Variants in RBM45 observed in about 807,000 individuals in gnomAD.
RBM45 encodes RNA binding motif protein 45.
A neutral mutation model predicts 58.5 loss-of-function variants in RBM45; 39 were observed. The ratio of observed to expected loss-of-function variants is 0.67; its 90% CI spans 0.52 to 0.87. The LOEUF (loss-of-function observed/expected upper bound fraction) is 0.87. Among genes scored for constraint, RBM45 ranks in the 40% least tolerant of loss-of-function variants. The probability of loss-of-function intolerance (pLI) is 0.00; values close to 1 mark genes in which losing one functional copy is unlikely to be tolerated. For synonymous variants in RBM45, 193 were observed against 203.0 expected, an observed-to-expected ratio of 0.95 and a Z score of 0.42; for missense variants, 481 against 581.6, an observed-to-expected ratio of 0.83 and a Z score of 1.78.
At chr2:178,115,057 G>A (rs2087754244) in intron 1 of RBM45, among the ~76,000 whole-genome samples, 1 of 152,166 alleles carries the variant, frequency 6.6e-6, no homozygotes, top group South Asian at 2.1e-4. Context: ...CCAGCCCTCA[G>A]CCAGAAAAGA....
chr2:178,112,678 C>G lies in RBM45; in HGVS notation c.132C>G (p.Arg44=), dbSNP rs1384392131. Residue 44 remains arginine (R), a synonymous_variant, in exon 1 of 10, where the codon CGC becomes CGG. Transcript: ENST00000286070. ...CACCTGAGTCGGTGCTGAGGGAGCG[C>G]TTCTCGCCTTTTGGCGACATCCAGG... ...KYTPESVLRE[R]FSPFGDIQDI... 1 of 1,614,124 alleles carries G rather than the reference C, an allele frequency of 6.2e-7. No homozygotes were observed. The highest frequency in any genetic ancestry group is 1.3e-5 in the African/African-American group (1 of 74,954).
At chr2:178,137,155 C>T (rs1212954945) in exon 4 of RBM45, 1 of 151,942 alleles carries the variant, frequency 6.6e-6, no homozygotes, top group Non-Finnish European at 1.5e-5. Flanking sequence ...AATGTTCAGC[C>T]GTATTAGTCA....
At chr2:178,136,470 G>A (rs896520818) in exon 4 of RBM45, 2 of 152,218 alleles carry the variant, frequency 1.3e-5, no homozygotes, top group Non-Finnish European at 2.9e-5. Context: ...TAGTGGCCCT[G>A]AAGCTGCACT....
chr2:178,129,810 C>T (rs777292419), downstream of RBM45, among the ~76,000 whole-genome samples: 76 of 152,250 alleles, frequency 5.0e-4, no homozygotes, highest in Middle Eastern at 0.014. Context: ...AGTTGTATGG[C>T]ATAGTGTAAT....
At chr2:178,137,540 T>A (rs573907249) in exon 4 of RBM45, 1 of 152,192 alleles carries the variant, frequency 6.6e-6, no homozygotes, top group Non-Finnish European at 1.5e-5. Context: ...GCTACACTTA[T>A]AATGATTTGA....
chr2:178,124,580 G>A (rs1032290497), intron 8 of RBM45, among the ~76,000 whole-genome samples: 7 of 152,180 alleles, frequency 4.6e-5, no homozygotes, highest in African/African-American at 1.4e-4. Context: ...TTGGGAGGCC[G>A]AGGTCAGGGG....
At chr2:178,121,472 G>A (rs1414608142) in intron 5 of RBM45, 113 bp downstream of exon 5, 1 of 536,784 alleles carries the variant, frequency 1.9e-6, no homozygotes, top group East Asian at 3.6e-5. Flanking sequence ...CTTTTCTCTA[G>A]TGGCACTTTT....
intron 9 of RBM45, among the ~76,000 whole-genome samples, chr2:178,128,707 G>A (rs1341034835): frequency 5.3e-5 from 8 of 152,184 alleles, no homozygotes; most frequent in African/African-American, 1.7e-4. Flanking sequence ...GAAAATGGCT[G>A]TTTGGATAGG....
At chr2:178,128,784 G>T (rs1267774001) in intron 9 of RBM45, among the ~76,000 whole-genome samples, 3 of 152,120 alleles carry the variant, frequency 2.0e-5, no homozygotes, top group Non-Finnish European at 4.4e-5. Flanking sequence ...TTTTGCTGCG[G>T]ATCTCCTATT....
chr2:178,128,947 T>G (rs915349340), intron 9 of RBM45, among the ~76,000 whole-genome samples: 2 of 152,182 alleles, frequency 1.3e-5, no homozygotes, highest in East Asian at 3.9e-4. Flanking sequence ...CTTTTTTGTT[T>G]GTTTCTTTAA....
downstream of RBM45, among the ~76,000 whole-genome samples, chr2:178,129,948 A>C (rs900206481): frequency 7.2e-5 from 11 of 152,218 alleles, no homozygotes; most frequent in East Asian, 1.9e-3. Flanking sequence ...TTTACACTTA[A>C]TCTAAGGACA....
Position 178,112,463 on chromosome 2 carries a change from C to G in RBM45, c.-84C>G. The G allele has an allele frequency of 7.5e-7, 1 of 1,332,532 alleles. No homozygotes were observed. The highest frequency in any genetic ancestry group is 1.0e-6 in the Non-Finnish European group (1 of 961,734). The allele number at this position is 1,332,532 out of a possible 1,614,324, so 82.5% of individuals were successfully genotyped here. On this transcript the variant is annotated 5_prime_UTR_variant, in exon 1 of 10. Transcript: ENST00000286070. The stretch of plus-strand genomic sequence containing the variant: ...TCCCGGAAGCGGAGCACCGAGCCGG[C>G]AAAGGCTTGGGTGTGAGACAGCAGC...
At position 178,112,463 on chromosome 2, in the gene RBM45, CA is replaced by C; in HGVS notation, c.-81del. On this transcript the variant is annotated 5_prime_UTR_variant, in exon 1 of 10. Transcript: ENST00000286070. Reference sequence around the variant, plus strand: ...TCCCGGAAGCGGAGCACCGAGCCGGCAAAGGCTTGGGTGTGAGACAGCAGCG... The same window carrying C: ...TCCCGGAAGCGGAGCACCGAGCCGGCAAGGCTTGGGTGTGAGACAGCAGCG... 1 of 1,332,532 alleles carries C rather than the reference CA, an allele frequency of 7.5e-7. No individual in the cohort carries two copies. 82.5% of individuals were successfully genotyped at this position (1,332,532 alleles called of 1,614,324 possible).
exon 4 of RBM45, chr2:178,136,930 C>G (rs1288462701): frequency 6.6e-6 from 1 of 152,134 alleles, no homozygotes; most frequent in East Asian, 1.9e-4. Flanking sequence ...AAATAAGTAA[C>G]TAAATGGGCA....
intron 5 of RBM45, among the ~76,000 whole-genome samples, chr2:178,122,862 A>G (rs2087873620): frequency 6.6e-6 from 1 of 152,102 alleles, no homozygotes; most frequent in African/African-American, 2.4e-5. Flanking sequence ...AGTGGTTTGT[A>G]TTATAAAAGT....
chr2:178,132,081 GCAATACATCT>G (rs1303764142), downstream of RBM45, among the ~76,000 whole-genome samples: 1 of 152,040 alleles, frequency 6.6e-6, no homozygotes, highest in Non-Finnish European at 1.5e-5. Context: ...TAAATAATAA[GCAATACATCT>G]CAATAAACCT....
At chr2:178,118,369 C>T (rs1175411095) in intron 3 of RBM45, among the ~76,000 whole-genome samples, 188 bp downstream of exon 3, 1 of 152,078 alleles carries the variant, frequency 6.6e-6, no homozygotes, top group Non-Finnish European at 1.5e-5. Flanking sequence ...CATTGAGGCA[C>T]TATCTTGAAG....
chr2:178,118,251 A>G, intron 3 of RBM45, 70 bp downstream of exon 3: 2 of 1,440,752 alleles, frequency 1.4e-6, no homozygotes, highest in Middle Eastern at 4.5e-4. Flanking sequence ...GCTGAATTTA[A>G]TATTAGTTTT....
chr2:178,116,435 G>T (rs1165237712), intron 2 of RBM45, 51 bp downstream of exon 2: 3 of 1,472,550 alleles, frequency 2.0e-6, no homozygotes. Flanking sequence ...TCCTGCATAG[G>T]TTGTATGGGT....
Sources: allele counts gnomAD v4.1 joint callset (sites outside exome capture counted in the v4.1 genomes callset), GRCh38; gene constraint gnomAD v4.1.1; transcripts MANE v1.5; gene names NCBI Gene and HGNC (gene_info 2026-07-23, HGNC 2026-07-21).